JAM2: variants seen among roughly 807,000 people sequenced by gnomAD.
JAM2 encodes the protein junctional adhesion molecule B.
In JAM2, 17 loss-of-function variants were observed where a neutral mutation model predicts 42.0. That is an observed-to-expected ratio of 0.40 (90% CI 0.28 to 0.61). The LOEUF (loss-of-function observed/expected upper bound fraction) is 0.61, where lower values mean the gene tolerates loss of function less well. JAM2 is among the 20% of genes least tolerant of loss of function. The pLI is 0.37. For synonymous variants in JAM2, 118 were observed against 128.6 expected, an observed-to-expected ratio of 0.92 and a Z score of 0.56; for missense variants, 319 against 358.3, an observed-to-expected ratio of 0.89 and a Z score of 0.89.
intron 9 of JAM2, among the ~76,000 whole-genome samples, chr21:25,713,882 T>C (rs549710742): frequency 3.3e-5 from 5 of 152,354 alleles, no homozygotes; most frequent in Admixed American, 2.6e-4. Context: ...AAGCCATTTA[T>C]TTTTTCTTTG....
At chr21:25,701,483 G>A (rs778218816) in intron 5 of JAM2, among the ~76,000 whole-genome samples, 8 of 131,328 alleles carry the variant, frequency 6.1e-5, no homozygotes, top group Non-Finnish European at 1.1e-4. Flanking sequence ...CTTTTTGTCT[G>A]CCTTCATTCC....
chr21:25,708,799 A>G (rs1187337028), intron 7 of JAM2, among the ~76,000 whole-genome samples: 1 of 152,158 alleles, frequency 6.6e-6, no homozygotes, highest in Non-Finnish European at 1.5e-5. Flanking sequence ...AAATTTTCCT[A>G]AAATATTGAA....
At chr21:25,701,571 GC>G (rs1208899368) in intron 5 of JAM2, among the ~76,000 whole-genome samples, 1 of 152,070 alleles carries the variant, frequency 6.6e-6, no homozygotes, top group African/African-American at 2.4e-5. Flanking sequence ...GCTTTTGGTT[GC>G]TTTGACAGGG....
At chr21:25,649,291 T>A (rs8126538) in intron 1 of JAM2, among the ~76,000 whole-genome samples, 58,449 of 152,112 alleles carry the variant, frequency 0.38, 14,786 homozygotes, top group African/African-American at 0.7. Flanking sequence ...TAATTGACTC[T>A]CAGTTTCGCA....
chr21:25,703,805 G>A (rs1601060872), intron 6 of JAM2, among the ~76,000 whole-genome samples: 1 of 146,506 alleles, frequency 6.8e-6, no homozygotes, highest in Non-Finnish European at 1.5e-5. Context: ...CATACTTAAT[G>A]TTACATTTTC....
intron 1 of JAM2, among the ~76,000 whole-genome samples, chr21:25,648,450 T>TTGTGTGTGTGTGTGTGTG (rs61479815): frequency 1.3e-5 from 2 of 148,384 alleles, no homozygotes; most frequent in Non-Finnish European, 3.0e-5. Context: ...TGCCGTGTGT[T>TTGTGTGTGTGTGTGTGTG]TGTGTGTGTG....
At chr21:25,711,885 C>A in intron 8 of JAM2, 1 of 211,452 alleles carries the variant, frequency 4.7e-6, no homozygotes. Context: ...TAGACATATG[C>A]CCTCACATTC....
rs545493500 is a variant in JAM2 at position 25,671,385 on chromosome 21, T to A, written c.68-12498T>A. Among the ~76,000 whole-genome samples the A allele has an allele frequency of 8.5e-5, 13 of 152,338 alleles. No individual in the cohort carries two copies. The South Asian group carries it at 2.7e-3, about 32-fold the overall frequency. ...CCACCCACCCTCACTTGGGCCTTGG[T>A]AAGTACTCTTGTAAGGGTTGGTCCC... On this transcript the variant is annotated intron_variant, in intron 1 of 9. Transcript: ENST00000480456.
intron 2 of JAM2, among the ~76,000 whole-genome samples, chr21:25,688,851 T>C (rs1440749294): frequency 6.6e-6 from 1 of 152,242 alleles, no homozygotes; most frequent in Non-Finnish European, 1.5e-5. Context: ...TCAAAGATAC[T>C]GTGCTTTTTT....
chr21:25,658,561 G>T (rs1489620042), intron 1 of JAM2, among the ~76,000 whole-genome samples: 3 of 152,094 alleles, frequency 2.0e-5, no homozygotes, highest in Admixed American at 6.6e-5. Context: ...CAAAACAAGT[G>T]CCCAGAGTAA....
intron 1 of JAM2, chr21:25,643,763 C>G (rs989027075): frequency 6.6e-6 from 1 of 152,112 alleles, no homozygotes; most frequent in African/African-American, 2.4e-5. Context: ...AAAACTTCAG[C>G]CTGAGCACAG....
chr21:25,641,656 G>C (rs1173495939), intron 1 of JAM2, among the ~76,000 whole-genome samples: 1 of 152,000 alleles, frequency 6.6e-6, no homozygotes, highest in Non-Finnish European at 1.5e-5. Flanking sequence ...AAATTCCAAC[G>C]CTAGTATAGA....
At chr21:25,681,407 C>A (rs913383230) in intron 1 of JAM2, among the ~76,000 whole-genome samples, 3 of 152,130 alleles carry the variant, frequency 2.0e-5, no homozygotes, top group African/African-American at 7.2e-5. Context: ...TTTCACATGG[C>A]AGCAGCAAGG....
At chr21:25,645,210 C>CA (rs1394739915) in intron 1 of JAM2, among the ~76,000 whole-genome samples, 1 of 152,144 alleles carries the variant, frequency 6.6e-6, no homozygotes, top group Non-Finnish European at 1.5e-5. Context: ...AGTTGTATTT[C>CA]AAATTGCATA....
chr21:25,711,755 G>C (rs1385017275), intron 8 of JAM2, among the ~76,000 whole-genome samples: 1 of 152,182 alleles, frequency 6.6e-6, no homozygotes, highest in Admixed American at 6.5e-5. Flanking sequence ...GTTTTGAGCA[G>C]AGGGGAGACA....
At chr21:25,645,841 CG>C (rs901392883) in intron 1 of JAM2, among the ~76,000 whole-genome samples, 1 of 152,104 alleles carries the variant, frequency 6.6e-6, no homozygotes, top group African/African-American at 2.4e-5. Context: ...CTGTAGGCAA[CG>C]GTAAACAGTT....
intron 1 of JAM2, among the ~76,000 whole-genome samples, chr21:25,673,467 A>G (rs1601018116): frequency 6.6e-6 from 1 of 152,230 alleles, no homozygotes; most frequent in East Asian, 1.9e-4. Flanking sequence ...GCATAAATAT[A>G]CACGGTTTAT....
chr21:25,658,605 G>A (rs2033000844), intron 1 of JAM2, among the ~76,000 whole-genome samples: 2 of 152,126 alleles, frequency 1.3e-5, no homozygotes, highest in Admixed American at 1.3e-4. Context: ...TGTCATGGAA[G>A]CTGGGGAGGA....
chr21:25,698,770 C>T lies in JAM2; in HGVS notation c.488C>T (p.Ala163Val), dbSNP rs779199222. 6.2e-7 allele frequency: 1 copy of T among 1,614,078 alleles called. No individual in the cohort carries two copies. Among genetic ancestry groups the T allele is most frequent in the East Asian group, 2.2e-5 (1 of 44,888 alleles). ...LRCQDKEGNP[A>V]PEYTWFKDGI... ...TGTCAAGACAAAGAAGGGAATCCAG[C>T]TCCTGAATACACATGGTTTAAGGAT... Residue 163 changes from alanine to valine, a missense_variant, in exon 5 of 10, where the codon GCT (alanine) becomes GTT (valine). Physicochemically the swap from Ala to Val is moderately conservative, Grantham distance 64. Transcript: ENST00000480456.
Sources: allele counts gnomAD v4.1 joint callset (sites outside exome capture counted in the v4.1 genomes callset), GRCh38; gene constraint gnomAD v4.1.1; transcripts MANE v1.5; gene names NCBI Gene and HGNC (gene_info 2026-07-23, HGNC 2026-07-21).